TRIM66: variants seen among roughly 807,000 people sequenced by gnomAD.
TRIM66 encodes tripartite motif containing 66, also known as tripartite motif-containing protein 66.
Under a neutral mutation model 148.2 loss-of-function variants are expected in TRIM66, and 99 were observed. The ratio of observed to expected loss-of-function variants is 0.67; its 90% CI spans 0.57 to 0.79. TRIM66 has a LOEUF of 0.79. Ranked by LOEUF, TRIM66 falls within the 30% of genes least tolerant of loss-of-function variation. TRIM66 has a pLI of 0.00. For synonymous variants in TRIM66, 616 were observed against 635.9 expected (o/e 0.97, Z 0.47); for missense variants, 1,666 against 1,697.9 (o/e 0.98, Z 0.33).
In TRIM66 at chr11:8,640,467, A is replaced by T. The variant is rs1469264057; in HGVS notation, c.1908T>A (p.Ser636Arg). The change falls in exon 14 of 25, where the codon AGT becomes AGA. Residue 636 changes from serine to arginine, a missense_variant. Physicochemically the swap from Ser to Arg is moderately radical, Grantham distance 110. Transcript: ENST00000646038. ...PLPPSQHLASSQHESPPGPAC... is the reference protein window; with the variant it reads ...PLPPSQHLASRQHESPPGPAC... ...CAGGGCCAGGAGGGCTCTCGTGCTG[A>T]CTAGAAGCCAGATGCTGGGATGGAG... The T allele has an allele frequency of 2.5e-5, 38 of 1,537,410 alleles. No individual in the cohort carries two copies. The highest frequency in any genetic ancestry group is 3.2e-5 in the Non-Finnish European group (37 of 1,139,386).
chr11:8,616,250 TCTC>T lies in TRIM66; in HGVS notation c.*1691_*1693del, dbSNP rs2033712841. 6.6e-6 allele frequency: 1 copy of T among 152,168 alleles called. No homozygotes were observed. The highest frequency in any genetic ancestry group is 1.5e-5 in the Non-Finnish European group (1 of 68,036). 9.4% of individuals were successfully genotyped at this position (152,168 alleles called of 1,614,324 possible). ...ATGGTTTGCTTTAAAGTGAAGATGA[TCTC>T]TCAGGTTGGGTAGAGAAGGAAATGA... On this transcript the variant is annotated 3_prime_UTR_variant, in exon 25 of 25. Coordinates refer to ENST00000646038, the MANE Select transcript of TRIM66 (RefSeq NM_001388022.1).
At chr11:8,636,094 A>G (rs1010341755) in intron 15 of TRIM66, among the ~76,000 whole-genome samples, 1 of 151,668 alleles carries the variant, frequency 6.6e-6, no homozygotes, top group African/African-American at 2.4e-5. Flanking sequence ...CTTTTGAGAT[A>G]TCTTCTCAAC....
intron 6 of TRIM66, among the ~76,000 whole-genome samples, chr11:8,655,882 T>C (rs955102965): frequency 1.3e-5 from 2 of 152,146 alleles, no homozygotes; most frequent in Non-Finnish European, 2.9e-5. Context: ...CTATCAGCCT[T>C]GTCAGAAAGT....
At chr11:8,664,557 G>A (rs2038469305) in intron 6 of TRIM66, among the ~76,000 whole-genome samples, 1 of 152,146 alleles carries the variant, frequency 6.6e-6, no homozygotes, top group Admixed American at 6.6e-5. Context: ...AGGCTGCTGT[G>A]AAGTTTACAA....
chr11:8,621,439 C>T, intron 19 of TRIM66, 118 bp from the exon 20 acceptor site: 2 of 1,388,612 alleles, frequency 1.4e-6, no homozygotes, highest in Non-Finnish European at 9.5e-7. Flanking sequence ...TTCCAGGACC[C>T]CAAGCCAGCA....
intron 15 of TRIM66, among the ~76,000 whole-genome samples, chr11:8,635,250 C>T (rs1189347878): frequency 6.6e-6 from 1 of 152,168 alleles, no homozygotes; most frequent in Non-Finnish European, 1.5e-5. Context: ...CTCTGTGTCT[C>T]AGTTTCCACA....
chr11:8,673,521 C>T (rs991077725), intron 4 of TRIM66, among the ~76,000 whole-genome samples: 13 of 152,058 alleles, frequency 8.5e-5, no homozygotes, highest in African/African-American at 3.1e-4. Context: ...AACATTGTGG[C>T]ACAAAATGAT....
intron 12 of TRIM66, 91 bp downstream of exon 12, chr11:8,645,650 A>G: frequency 6.9e-7 from 1 of 1,446,806 alleles, no homozygotes. Context: ...AAGAAAAGGC[A>G]CTTCCAAGGA....
At chr11:8,665,219 C>A (rs1319208907) in intron 6 of TRIM66, among the ~76,000 whole-genome samples, 3 of 152,130 alleles carry the variant, frequency 2.0e-5, no homozygotes, top group African/African-American at 7.2e-5. Context: ...GCACTAAAAA[C>A]TCTCTCCAAA....
chr11:8,676,871 C>T (rs1034604100), intron 3 of TRIM66, among the ~76,000 whole-genome samples: 2 of 152,178 alleles, frequency 1.3e-5, no homozygotes, highest in Admixed American at 6.5e-5. Flanking sequence ...GAACGAAGTG[C>T]TTTACTTAAA....
intron 17 of TRIM66, among the ~76,000 whole-genome samples, chr11:8,623,966 G>C (rs2034558402): frequency 6.6e-6 from 1 of 152,212 alleles, no homozygotes; most frequent in Non-Finnish European, 1.5e-5. Context: ...TCTTACCCGG[G>C]ATCACAGGGA....
At position 8,624,928 on chromosome 11, in the gene TRIM66, C is replaced by A; in HGVS notation, c.2611G>T (p.Ala871Ser). The change falls in exon 16 of 25, where the codon GCA (alanine) becomes TCA (serine). Residue 871 changes from alanine (A) to serine (S), a missense_variant. Coordinates refer to ENST00000646038, the MANE Select transcript of TRIM66 (RefSeq NM_001388022.1). ...TGAGGGTGATCACTTGCCAGGCTTG[C>A]CATAGCCTGAGGGGAGTCACTTATC... ...NLISDSPQAM[A>S]SLASDHPQAG... The A allele has an allele frequency of 6.4e-7, 1 of 1,551,624 alleles. No homozygotes were observed. Among genetic ancestry groups the A allele is most frequent in the Non-Finnish European group, 8.7e-7 (1 of 1,146,942 alleles).
intron 15 of TRIM66, among the ~76,000 whole-genome samples, chr11:8,631,650 T>G (rs1398777416): frequency 6.6e-6 from 1 of 152,214 alleles, no homozygotes; most frequent in Non-Finnish European, 1.5e-5. Flanking sequence ...TGATGTTTCT[T>G]GTCTTCTCCC....
At chr11:8,650,925 G>A (rs184453924) in intron 7 of TRIM66, among the ~76,000 whole-genome samples, 123 of 152,350 alleles carry the variant, frequency 8.1e-4, no homozygotes, top group Non-Finnish European at 1.4e-3. Flanking sequence ...GGAAGGGCAA[G>A]TATAGACCAG....
chr11:8,637,592 G>A (rs955232277), intron 15 of TRIM66, among the ~76,000 whole-genome samples: 7 of 152,120 alleles, frequency 4.6e-5, no homozygotes, highest in Non-Finnish European at 8.8e-5. Context: ...CAAGTGTCAC[G>A]GAGACTGACT....
rs2033655272 is a variant in TRIM66 at position 8,615,285 on chromosome 11, C to T, written c.*2659G>A. ...CCAATTTTTAACTAAAATCCCCTTGCATCAACTGAAGCCATTTTACTGTCT... is the reference window on the plus strand; with the variant it reads ...CCAATTTTTAACTAAAATCCCCTTGTATCAACTGAAGCCATTTTACTGTCT... On this transcript the variant is annotated 3_prime_UTR_variant, in exon 25 of 25. Transcript: ENST00000646038. The T allele has an allele frequency of 6.6e-6, 1 of 152,206 alleles. No individual in the cohort carries two copies. Among genetic ancestry groups the T allele is most frequent in the South Asian group, 2.1e-4 (1 of 4,832 alleles). 9.4% of individuals were successfully genotyped at this position (152,206 alleles called of 1,614,324 possible).
chr11:8,639,825 C>T (rs2036205536), intron 14 of TRIM66, among the ~76,000 whole-genome samples: 1 of 152,218 alleles, frequency 6.6e-6, no homozygotes, highest in South Asian at 2.1e-4. Flanking sequence ...GCTCTGCCCT[C>T]CCCCTGTCTG....
At chr11:8,640,104 G>T in intron 14 of TRIM66, 123 bp downstream of exon 14, 1 of 988,404 alleles carries the variant, frequency 1.0e-6, no homozygotes, top group Non-Finnish European at 1.5e-6. Context: ...TGAGGGCTGA[G>T]CTCAAGGCAG....
chr11:8,624,466 G>A lies in TRIM66; in HGVS notation c.2912C>T (p.Ala971Val), dbSNP rs778290536. 4 of 1,551,570 alleles carry A rather than the reference G, an allele frequency of 2.6e-6. No homozygotes were observed. The South Asian group carries it at 4.8e-5, about 18-fold the overall frequency. ...VPGLDAPKDL[A>V]IPSELEEPIN... ...TGGCTCCTCCAGTTCTGAGGGGATGGCCAAGTCCTTGGGAGCATCCAGACC... is the reference window on the plus strand; with the variant it reads ...TGGCTCCTCCAGTTCTGAGGGGATGACCAAGTCCTTGGGAGCATCCAGACC... The change falls in exon 17 of 25, where the codon GCC becomes GTC. Residue 971 changes from alanine (A) to valine (V), a missense_variant. This residue lies in a region of TRIM66 where 1,431 missense variants were observed against 1,412.4 expected (regional missense o/e 1.01). Coordinates refer to ENST00000646038, the MANE Select transcript of TRIM66 (RefSeq NM_001388022.1).
Sources: allele counts gnomAD v4.1 joint callset (sites outside exome capture counted in the v4.1 genomes callset), GRCh38; gene constraint gnomAD v4.1.1; regional missense constraint gnomAD v4.1.1; transcripts MANE v1.5; gene names NCBI Gene and HGNC (gene_info 2026-07-23, HGNC 2026-07-21).